The following EHBP1 variants were observed in gnomAD, a reference collection of about 807,000 sequenced individuals.
EHBP1 encodes the protein EH domain binding protein 1, also known as EH domain-binding protein 1.
In EHBP1, 55 loss-of-function variants were observed where a neutral mutation model predicts 144.0. That is an observed-to-expected ratio of 0.38 (90% confidence interval 0.31 to 0.48). The LOEUF (loss-of-function observed/expected upper bound fraction) is 0.48, where lower values mean the gene tolerates loss of function less well. EHBP1 is among the 20% of genes least tolerant of loss of function. The pLI, the probability that EHBP1 is intolerant of heterozygous loss-of-function variation, is 0.98. For missense variants in EHBP1, 1,200 were observed against 1,364.2 expected (o/e 0.88, Z 1.90); for synonymous variants, 469 against 472.7 (o/e 0.99, Z 0.10).
At chr2:62,859,551 A>G (rs1209591413) in intron 8 of EHBP1, among the ~76,000 whole-genome samples, 1 of 152,222 alleles carries the variant, frequency 6.6e-6, no homozygotes, top group Non-Finnish European at 1.5e-5. Flanking sequence ...CTACCAAGTA[A>G]GGTCAGAATG....
intron 7 of EHBP1, among the ~76,000 whole-genome samples, chr2:62,841,487 AAAAAAT>A (rs1238077748): frequency 1.3e-5 from 2 of 152,106 alleles, no homozygotes; most frequent in African/African-American, 2.4e-5. Context: ...ACTTATAATA[AAAAAAT>A]AAAAATAAAA....
intron 2 of EHBP1, among the ~76,000 whole-genome samples, chr2:62,717,496 GA>G (rs1301549437): frequency 6.6e-6 from 1 of 152,146 alleles, no homozygotes; most frequent in Non-Finnish European, 1.5e-5. Context: ...TTGTTAAAAG[GA>G]GTGGAACTGA....
At chr2:62,868,676 A>G (rs1466845582) in intron 9 of EHBP1, among the ~76,000 whole-genome samples, 1 of 152,146 alleles carries the variant, frequency 6.6e-6, no homozygotes, top group African/African-American at 2.4e-5. Context: ...GGCCAGGTGC[A>G]GTGGTTCATG....
At chr2:62,984,406 CACACACAGT>C (rs2059104376) in intron 15 of EHBP1, among the ~76,000 whole-genome samples, 1 of 152,180 alleles carries the variant, frequency 6.6e-6, no homozygotes, top group Admixed American at 6.5e-5. Context: ...CCTTTTCCTG[CACACACAGT>C]ACATAGCATA....
At chr2:62,911,900 A>G (rs755926421) in intron 10 of EHBP1, among the ~76,000 whole-genome samples, 2 of 152,204 alleles carry the variant, frequency 1.3e-5, no homozygotes, top group Non-Finnish European at 2.9e-5. Flanking sequence ...CCCAAAATTT[A>G]TGGAGATTTT....
At chr2:62,965,660 G>A (rs1011083747) in intron 14 of EHBP1, among the ~76,000 whole-genome samples, 12 of 152,146 alleles carry the variant, frequency 7.9e-5, no homozygotes, top group Admixed American at 6.6e-4. Flanking sequence ...CTAACCATCA[G>A]GGTGTTTCAT....
intron 14 of EHBP1, among the ~76,000 whole-genome samples, chr2:62,964,321 G>T (rs2058139642): frequency 6.6e-6 from 1 of 152,154 alleles, no homozygotes; most frequent in African/African-American, 2.4e-5. Context: ...CTCCTTTTAT[G>T]CAAGTAATAA....
At chr2:62,850,643 A>G (rs1227730075) in intron 7 of EHBP1, among the ~76,000 whole-genome samples, 1 of 152,086 alleles carries the variant, frequency 6.6e-6, no homozygotes, top group Non-Finnish European at 1.5e-5. Flanking sequence ...AACGTTTTCA[A>G]TTTTCTGTGA....
chr2:62,944,364 G>A (rs192868717), intron 12 of EHBP1, among the ~76,000 whole-genome samples: 48 of 152,294 alleles, frequency 3.2e-4, no homozygotes, highest in African/African-American at 7.2e-4. Flanking sequence ...GTGATGTACC[G>A]TAAGATTATA....
At chr2:62,953,106 A>T (rs890381488) in intron 13 of EHBP1, among the ~76,000 whole-genome samples, 3 of 150,378 alleles carry the variant, frequency 2.0e-5, no homozygotes, top group Non-Finnish European at 4.4e-5. Flanking sequence ...AATCCCAGCT[A>T]CTCGGGAGGC....
chr2:62,880,464 A>G (rs1055354834), intron 10 of EHBP1, among the ~76,000 whole-genome samples: 2 of 152,170 alleles, frequency 1.3e-5, no homozygotes, highest in Non-Finnish European at 2.9e-5. Flanking sequence ...TAAACAGACA[A>G]TCTACAGAAT....
At chr2:62,767,923 T>C (rs1264720896) in intron 4 of EHBP1, among the ~76,000 whole-genome samples, 1 of 151,468 alleles carries the variant, frequency 6.6e-6, no homozygotes, top group East Asian at 1.9e-4. Context: ...CTGGAATTAC[T>C]TTGGGGTAAA....
chr2:62,763,958 A>T (rs970213187), intron 3 of EHBP1, among the ~76,000 whole-genome samples: 3 of 152,110 alleles, frequency 2.0e-5, no homozygotes, highest in Admixed American at 6.6e-5. Flanking sequence ...TTTTGAAAAC[A>T]TGAGACATCA....
intron 10 of EHBP1, among the ~76,000 whole-genome samples, chr2:62,880,146 A>T (rs1424943704): frequency 6.6e-6 from 1 of 152,212 alleles, no homozygotes; most frequent in Non-Finnish European, 1.5e-5. Flanking sequence ...GTGCCAGGTT[A>T]ACTGGATAGC....
intron 10 of EHBP1, among the ~76,000 whole-genome samples, chr2:62,939,649 TGA>T (rs781240747): frequency 3.3e-5 from 5 of 151,414 alleles, no homozygotes; most frequent in Non-Finnish European, 7.4e-5. Flanking sequence ...TGCAGATATC[TGA>T]GAGAGTACCA....
At chr2:62,685,801 G>A (rs1010054186) in intron 1 of EHBP1, among the ~76,000 whole-genome samples, 1 of 151,742 alleles carries the variant, frequency 6.6e-6, no homozygotes, top group African/African-American at 2.4e-5. Context: ...GGGAGGAGGG[G>A]GTAGGTTTCA....
At chr2:62,727,796 G>T (rs780596857) in intron 2 of EHBP1, among the ~76,000 whole-genome samples, 1 of 152,064 alleles carries the variant, frequency 6.6e-6, no homozygotes, top group Non-Finnish European at 1.5e-5. Context: ...AGGCTCTTTG[G>T]CTCCCTGTAT....
chr2:62,963,296 G>T (rs541618016), intron 14 of EHBP1, among the ~76,000 whole-genome samples: 1 of 152,240 alleles, frequency 6.6e-6, no homozygotes, highest in South Asian at 2.1e-4. Flanking sequence ...ATGTTGATTG[G>T]AAATTATTGA....
At chr2:62,849,794 C>T (rs1328007264) in intron 7 of EHBP1, among the ~76,000 whole-genome samples, 6 of 152,090 alleles carry the variant, frequency 3.9e-5, no homozygotes, top group Non-Finnish European at 7.4e-5. Flanking sequence ...GACATAGTAG[C>T]ACAGCTGTTG....
Sources: allele counts gnomAD v4.1 joint callset (sites outside exome capture counted in the v4.1 genomes callset), GRCh38; gene constraint gnomAD v4.1.1; transcripts MANE v1.5; gene names NCBI Gene and HGNC (gene_info 2026-07-23, HGNC 2026-07-21).